Variants in SLC8A1 observed in about 807,000 individuals in gnomAD.
SLC8A1 encodes solute carrier family 8 member A1.
In SLC8A1, 18 loss-of-function variants were observed where a neutral mutation model predicts 68.3. The observed-to-expected ratio is 0.26, with a 90% CI of 0.18 to 0.39. SLC8A1 has a LOEUF of 0.39. Among genes scored for constraint, SLC8A1 ranks in the 10% least tolerant of loss-of-function variants. The pLI is 1.00. For synonymous variants in SLC8A1, 475 were observed against 415.5 expected, an observed-to-expected ratio of 1.14 and a Z score of -1.74; for missense variants, 985 against 1,156.7, an observed-to-expected ratio of 0.85 and a Z score of 2.15.
intron 2 of SLC8A1, among the ~76,000 whole-genome samples, chr2:40,377,715 G>A (rs1339098877): frequency 1.3e-5 from 2 of 152,022 alleles, no homozygotes; most frequent in Non-Finnish European, 2.9e-5. Flanking sequence ...GAGTATGAGT[G>A]GGAGCTGGAA....
intron 1 of SLC8A1, among the ~76,000 whole-genome samples, chr2:40,486,529 C>T (rs533165767): frequency 6.6e-6 from 1 of 152,206 alleles, no homozygotes; most frequent in South Asian, 2.1e-4. Flanking sequence ...AATTTTCATA[C>T]TCCATAGTGT....
At chr2:40,337,867 T>C (rs1666482450) in intron 2 of SLC8A1, among the ~76,000 whole-genome samples, 1 of 152,170 alleles carries the variant, frequency 6.6e-6, no homozygotes, top group Non-Finnish European at 1.5e-5. Context: ...CAGTTCTACC[T>C]ACTATTTAAT....
At chr2:40,402,935 C>G (rs1454658243) in intron 2 of SLC8A1, among the ~76,000 whole-genome samples, 5 of 152,152 alleles carry the variant, frequency 3.3e-5, no homozygotes, top group African/African-American at 1.2e-4. Context: ...TTATTTGTGA[C>G]TTACTGTTCC....
In SLC8A1 at chr2:40,330,014, C is replaced by G. The variant is rs144766254; in HGVS notation, c.1808+98459G>C. Among the ~76,000 whole-genome samples, 837 of 152,256 alleles carry G rather than the reference C, an allele frequency of 5.5e-3. 9 individuals carry two copies. Among genetic ancestry groups the G allele is most frequent in the African/African-American group, 0.019 (791 of 41,564 alleles). Reference sequence around the variant, plus strand: ...AGAGCAGGAGCTGAAACTTCAGAAGCATAAACTAATGTTTCTAACTAAAAA... The same window carrying G: ...AGAGCAGGAGCTGAAACTTCAGAAGGATAAACTAATGTTTCTAACTAAAAA... On this transcript the variant is annotated intron_variant, in intron 2 of 7. Transcript: ENST00000406785.
At chr2:40,165,890 C>G (rs986218188) in intron 4 of SLC8A1, among the ~76,000 whole-genome samples, 3 of 152,112 alleles carry the variant, frequency 2.0e-5, no homozygotes, top group South Asian at 2.1e-4. Context: ...AAACACTGGT[C>G]CTATAATTAC....
At chr2:40,510,995 A>G (rs1706690304) in intron 1 of SLC8A1, among the ~76,000 whole-genome samples, 1 of 152,180 alleles carries the variant, frequency 6.6e-6, no homozygotes, top group South Asian at 2.1e-4. Context: ...TGTTAAATGA[A>G]TTGCTTTTCC....
chr2:40,169,507 C>G (rs1263193782), intron 4 of SLC8A1, among the ~76,000 whole-genome samples: 1 of 152,174 alleles, frequency 6.6e-6, no homozygotes, highest in Admixed American at 6.5e-5. Flanking sequence ...GTGTAATCCT[C>G]TAGTCACCCT....
At chr2:40,210,571 G>T (rs978723708) in intron 2 of SLC8A1, among the ~76,000 whole-genome samples, 2 of 152,150 alleles carry the variant, frequency 1.3e-5, no homozygotes, top group East Asian at 1.9e-4. Flanking sequence ...AATTTTAAGG[G>T]GGGAGAAAGG....
chr2:40,435,766 A>G (rs149016828), intron 1 of SLC8A1, among the ~76,000 whole-genome samples: 75 of 151,962 alleles, frequency 4.9e-4, no homozygotes, highest in African/African-American at 1.7e-3. Flanking sequence ...TCGAGATAGC[A>G]CTTATTACTT....
At chr2:40,309,141 G>A (rs2073213250) in intron 2 of SLC8A1, among the ~76,000 whole-genome samples, 1 of 152,060 alleles carries the variant, frequency 6.6e-6, no homozygotes, top group Non-Finnish European at 1.5e-5. Flanking sequence ...ACTGCATTTA[G>A]CTTTTGAGGG....
chr2:40,253,463 A>G (rs570600877), intron 2 of SLC8A1, among the ~76,000 whole-genome samples: 1 of 152,056 alleles, frequency 6.6e-6, no homozygotes, highest in Non-Finnish European at 1.5e-5. Flanking sequence ...GACAAGTATT[A>G]TATGTTCTCA....
chr2:40,199,213 G>T (rs1278364316), intron 2 of SLC8A1, among the ~76,000 whole-genome samples: 1 of 151,718 alleles, frequency 6.6e-6, no homozygotes, highest in Admixed American at 6.6e-5. Context: ...GTAGACAGAG[G>T]AATTAAATAA....
At chr2:40,365,818 C>T (rs186153842) in intron 2 of SLC8A1, among the ~76,000 whole-genome samples, 24 of 151,838 alleles carry the variant, frequency 1.6e-4, no homozygotes, top group African/African-American at 1.9e-4. Context: ...CTGGGCAATA[C>T]GGTAAGATCT....
chr2:40,434,821 G>T (rs904960730), intron 1 of SLC8A1, among the ~76,000 whole-genome samples: 1 of 152,120 alleles, frequency 6.6e-6, no homozygotes, highest in Non-Finnish European at 1.5e-5. Flanking sequence ...ACAAAGGATG[G>T]TAAAAAGATA....
At chr2:40,175,874 C>A in intron 3 of SLC8A1, 1 of 342,116 alleles carries the variant, frequency 2.9e-6, no homozygotes, top group Non-Finnish European at 5.8e-6. Context: ...ATATTTTGTC[C>A]ACCAAGAATT....
rs61168287 is a variant in SLC8A1, at chr2:40,269,784, T to A, written c.1809-91929A>T. ...TCTCATGGATCACTGTGACTGTTGC[T>A]GTTTTTTTTTTCTATTTTATTATTA... On this transcript the variant is annotated intron_variant, in intron 2 of 7. Coordinates refer to ENST00000406785, the Ensembl canonical transcript of SLC8A1. Among the ~76,000 whole-genome samples the A allele has an allele frequency of 8.2e-3, 1,175 of 142,926 alleles. 17 individuals are homozygous for A. Among genetic ancestry groups the A allele is most frequent in the African/African-American group, 0.029 (1,134 of 39,622 alleles). The allele number at this position is 142,926 out of a possible 152,430, so 93.8% of individuals were successfully genotyped here. A position where few individuals can be genotyped will look rare whatever the true frequency, so the allele number is the denominator to read the frequency against.
chr2:40,241,093 C>A (rs559935663), intron 2 of SLC8A1, among the ~76,000 whole-genome samples: 3 of 152,130 alleles, frequency 2.0e-5, no homozygotes, highest in Non-Finnish European at 4.4e-5. Context: ...GGCATGGAAT[C>A]AAGTCAGGTG....
At chr2:40,151,939 C>G (rs1000892371) in intron 6 of SLC8A1, among the ~76,000 whole-genome samples, 6 of 152,164 alleles carry the variant, frequency 3.9e-5, no homozygotes. Flanking sequence ...AAAAGAGGCT[C>G]TGATAAGAAC....
intron 2 of SLC8A1, among the ~76,000 whole-genome samples, chr2:40,296,839 C>G (rs1185027495): frequency 6.6e-6 from 1 of 152,098 alleles, no homozygotes; most frequent in Non-Finnish European, 1.5e-5. Flanking sequence ...ACCAATTAAC[C>G]TATATTTTCA....
Sources: gnomAD v4.1 joint callset for allele counts (sites outside exome capture counted in the v4.1 genomes callset) on GRCh38, gnomAD v4.1.1 for gene constraint, MANE v1.5 for transcripts, NCBI Gene and HGNC (gene_info 2026-07-23, HGNC 2026-07-21) for gene names.